PCDH15: variants seen among roughly 807,000 people sequenced by gnomAD.
PCDH15 encodes the protein protocadherin related 15.
A neutral mutation model predicts 178.5 loss-of-function variants in PCDH15; 129 were observed. The observed-to-expected ratio is 0.72, with a 90% confidence interval of 0.63 to 0.84. PCDH15 has a LOEUF of 0.84. PCDH15 is among the 40% of genes least tolerant of loss of function. PCDH15 has a pLI of 0.00. For synonymous variants in PCDH15, 800 were observed against 732.0 expected, an observed-to-expected ratio of 1.09 and a Z score of -1.50; for missense variants, 2,230 against 2,099.9, an observed-to-expected ratio of 1.06 and a Z score of -1.21.
chr10:54,667,800 T>C (rs2094595502), intron 1 of PCDH15, among the ~76,000 whole-genome samples: 5 of 152,134 alleles, frequency 3.3e-5, no homozygotes. Flanking sequence ...AAATATGTTA[T>C]ACTTGTTTTT....
At chr10:55,218,882 A>G (rs1438858230) in intron 1 of PCDH15, among the ~76,000 whole-genome samples, 1 of 151,958 alleles carries the variant, frequency 6.6e-6, no homozygotes, top group Admixed American at 6.6e-5. Context: ...GAATTCTTCC[A>G]CTTTTTGTGT....
intron 15 of PCDH15, among the ~76,000 whole-genome samples, chr10:54,091,459 G>A (rs985159522): frequency 2.6e-5 from 4 of 152,126 alleles, no homozygotes; most frequent in African/African-American, 9.7e-5. Context: ...GGAACGTATT[G>A]TTCTTAGTGG....
upstream of PCDH15, among the ~76,000 whole-genome samples, chr10:54,806,056 G>T (rs59379846): frequency 6.6e-6 from 1 of 151,970 alleles, no homozygotes; most frequent in Non-Finnish European, 1.5e-5. Flanking sequence ...CTAAAGAGAA[G>T]TGCAGATAAT....
intron 2 of PCDH15, among the ~76,000 whole-genome samples, chr10:55,585,529 T>G (rs1352188134): frequency 6.6e-6 from 1 of 151,768 alleles, no homozygotes; most frequent in African/African-American, 2.4e-5. Flanking sequence ...CACAAAAAAT[T>G]AGTGGGGCAT....
intron 1 of PCDH15, among the ~76,000 whole-genome samples, chr10:54,730,154 A>C (rs58848343): frequency 0.12 from 18,473 of 151,510 alleles, 1,250 homozygotes; most frequent in African/African-American, 0.17. Context: ...AACCTAAATG[A>C]TTATCAATAG....
chr10:54,927,326 C>T (rs912668367), intron 2 of PCDH15, among the ~76,000 whole-genome samples: 1 of 151,978 alleles, frequency 6.6e-6, no homozygotes. Context: ...AGGTGTTTTA[C>T]CTTTGCTTAG....
At chr10:54,931,226 G>T (rs1347784721) in intron 2 of PCDH15, among the ~76,000 whole-genome samples, 1 of 152,110 alleles carries the variant, frequency 6.6e-6, no homozygotes, top group Non-Finnish European at 1.5e-5. Flanking sequence ...ATTCCTGCTT[G>T]TCATTTTGCA....
chr10:54,122,214 T>C (rs568391062), intron 15 of PCDH15, among the ~76,000 whole-genome samples: 14 of 152,140 alleles, frequency 9.2e-5, no homozygotes, highest in African/African-American at 3.4e-4. Flanking sequence ...TATTTCAACA[T>C]ATACAAATCA....
intron 1 of PCDH15, among the ~76,000 whole-genome samples, chr10:55,290,992 G>A (rs1486765388): frequency 1.3e-5 from 2 of 152,126 alleles, no homozygotes; most frequent in East Asian, 3.8e-4. Context: ...AGCCAAATGT[G>A]TAAGTAGTGA....
intron 8 of PCDH15, among the ~76,000 whole-genome samples, chr10:54,280,012 G>C (rs547860855): frequency 6.6e-6 from 1 of 151,622 alleles, no homozygotes; most frequent in Non-Finnish European, 1.5e-5. Flanking sequence ...GATCACCATT[G>C]TCATTAAACC....
chr10:54,262,317 G>A lies in PCDH15; in HGVS notation c.877-25386C>T, dbSNP rs181830649. Reference sequence around the variant, plus strand: ...TGAACCGTGCCTGGCCTGCTCACATGCCCAAGATAGGCCCCATCACCCATG... The same window carrying A: ...TGAACCGTGCCTGGCCTGCTCACATACCCAAGATAGGCCCCATCACCCATG... On this transcript the variant is annotated intron_variant, in intron 8 of 37. Transcript: ENST00000644397. 4.5e-4 allele frequency among the ~76,000 whole-genome samples: 69 copies of A among 152,224 alleles called. 1 individual carries two copies. The highest frequency in any genetic ancestry group is 1.4e-3 in the African/African-American group (59 of 41,538).
intron 3 of PCDH15, among the ~76,000 whole-genome samples, chr10:54,396,666 G>T (rs1192805134): frequency 2.0e-5 from 3 of 152,034 alleles, no homozygotes; most frequent in Non-Finnish European, 4.4e-5. Context: ...TGAAGGAAAA[G>T]GGCCACTTTT....
At chr10:54,937,573 T>A (rs1391849588) in intron 2 of PCDH15, among the ~76,000 whole-genome samples, 1 of 151,902 alleles carries the variant, frequency 6.6e-6, no homozygotes, top group Non-Finnish European at 1.5e-5. Context: ...TTTTTTGGGG[T>A]GTTATTGTAA....
At chr10:54,173,767 G>A (rs1268704569) in intron 13 of PCDH15, among the ~76,000 whole-genome samples, 1 of 152,078 alleles carries the variant, frequency 6.6e-6, no homozygotes, top group Non-Finnish European at 1.5e-5. Context: ...TTCCATTTGA[G>A]CCTATAATTA....
intron 1 of PCDH15, among the ~76,000 whole-genome samples, chr10:55,192,082 T>A (rs1409969109): frequency 6.6e-6 from 1 of 151,950 alleles, no homozygotes; most frequent in Non-Finnish European, 1.5e-5. Context: ...CCATAGCCTA[T>A]GGATATTCAT....
At chr10:55,437,089 T>A (rs1839059282) in intron 2 of PCDH15, among the ~76,000 whole-genome samples, 1 of 152,138 alleles carries the variant, frequency 6.6e-6, no homozygotes. Context: ...AAGCGATGAC[T>A]ATAATGATGG....
At chr10:53,902,606 G>A (rs182006672) in intron 26 of PCDH15, among the ~76,000 whole-genome samples, 137 of 151,970 alleles carry the variant, frequency 9.0e-4, no homozygotes, top group Admixed American at 1.6e-3. Context: ...CAGTTGATTA[G>A]AAATAGTCAT....
At chr10:54,713,890 A>C (rs1932603) in intron 1 of PCDH15, among the ~76,000 whole-genome samples, 132,510 of 152,122 alleles carry the variant, frequency 0.87, 58,370 homozygotes, top group Middle Eastern at 0.93. Flanking sequence ...ATAAACATTG[A>C]AGTAATATTT....
intron 5 of PCDH15, among the ~76,000 whole-genome samples, chr10:54,363,702 G>A (rs1946388638): frequency 6.6e-6 from 1 of 152,012 alleles, no homozygotes. Flanking sequence ...ATGTAATTGT[G>A]CCAATTTACT....
Sources: gnomAD v4.1 joint callset for allele counts (sites outside exome capture counted in the v4.1 genomes callset) on GRCh38, gnomAD v4.1.1 for gene constraint, MANE v1.5 for transcripts, NCBI Gene and HGNC (gene_info 2026-07-23, HGNC 2026-07-21) for gene names.